The following PDE2A variants were observed in gnomAD, a reference collection of about 807,000 sequenced individuals.
PDE2A encodes phosphodiesterase 2A, also known as cGMP-dependent 3',5'-cyclic phosphodiesterase.
In PDE2A, 53 loss-of-function variants were observed where a neutral mutation model predicts 133.6. The ratio of observed to expected loss-of-function variants is 0.40; its 90% CI spans 0.32 to 0.50. The LOEUF is 0.50. Ranked by LOEUF, PDE2A falls within the 20% of genes least tolerant of loss-of-function variation. The pLI, the probability that PDE2A is intolerant of heterozygous loss-of-function variation, is 0.73. For missense variants in PDE2A, 796 were observed against 1,232.4 expected (o/e 0.65, Z 5.30); for synonymous variants, 491 against 490.2 (o/e 1.00, Z -0.02).
chr11:72,611,648 C>T (rs1176950124), intron 2 of PDE2A, among the ~76,000 whole-genome samples: 1 of 152,164 alleles, frequency 6.6e-6, no homozygotes, highest in Non-Finnish European at 1.5e-5. Flanking sequence ...TGTGCTAGAG[C>T]GGACTGGATG....
Position 72,648,868 on chromosome 11 carries a change from C to G in PDE2A, c.72-6542G>C, listed in dbSNP as rs549982686. On this transcript the variant is annotated intron_variant, in intron 1 of 30. Coordinates refer to ENST00000334456, the MANE Select transcript of PDE2A (RefSeq NM_002599.5). ...CCATGTTCCTATCACGCCTACACCC[C>G]AGTCCTCTACACAGACACACATCCT... 2.6e-4 allele frequency among the ~76,000 whole-genome samples: 40 copies of G among 152,296 alleles called. 1 individual carries two copies. Among genetic ancestry groups the G allele is most frequent in the African/African-American group, 8.9e-4 (37 of 41,566 alleles).
At chr11:72,657,826 G>A (rs1279299825) in intron 1 of PDE2A, 1 of 455,056 alleles carries the variant, frequency 2.2e-6, no homozygotes, top group African/African-American at 2.0e-5. Flanking sequence ...GCACAGACCT[G>A]CCCCCATCTG....
At chr11:72,671,631 G>T (rs950943030) in intron 1 of PDE2A, among the ~76,000 whole-genome samples, 1 of 152,160 alleles carries the variant, frequency 6.6e-6, no homozygotes, top group Non-Finnish European at 1.5e-5. Context: ...GGGGGTGGGG[G>T]TGCAGGGAGC....
At chr11:72,670,826 A>G (rs896138657) in intron 1 of PDE2A, among the ~76,000 whole-genome samples, 5 of 152,184 alleles carry the variant, frequency 3.3e-5, no homozygotes, top group Non-Finnish European at 5.9e-5. Context: ...GACCCAGGAC[A>G]GATATAACCA....
At chr11:72,613,549 G>C (rs555231630) in intron 2 of PDE2A, among the ~76,000 whole-genome samples, 1 of 151,790 alleles carries the variant, frequency 6.6e-6, no homozygotes, top group South Asian at 2.1e-4. Context: ...CTGCACTCCT[G>C]TTCCTCTCCA....
At chr11:72,642,360 T>C in intron 1 of PDE2A, 34 bp from the exon 2 acceptor site, 1 of 1,497,420 alleles carries the variant, frequency 6.7e-7, no homozygotes, top group East Asian at 2.8e-5. Flanking sequence ...GAGGATGTGG[T>C]GCAGCACCAG....
At chr11:72,582,600 C>T (rs764552308) in intron 20 of PDE2A, 34 bp from the exon 21 acceptor site, 2 of 1,585,060 alleles carry the variant, frequency 1.3e-6, no homozygotes, top group Non-Finnish European at 8.6e-7. Flanking sequence ...TAGAAGACAG[C>T]CTTCACCCCA....
chr11:72,585,058 T>A, intron 16 of PDE2A, 114 bp from the exon 17 acceptor site: 1 of 992,372 alleles, frequency 1.0e-6, no homozygotes, highest in Non-Finnish European at 1.6e-6. Flanking sequence ...TGCTCCAAGG[T>A]AAGACACTCT....
intron 2 of PDE2A, among the ~76,000 whole-genome samples, chr11:72,633,019 C>T (rs1440728168): frequency 6.6e-6 from 1 of 152,186 alleles, no homozygotes; most frequent in Non-Finnish European, 1.5e-5. Context: ...TACATAGGCC[C>T]CCCAGGCCAG....
At chr11:72,657,194 C>T (rs1854923395) in intron 1 of PDE2A, among the ~76,000 whole-genome samples, 1 of 152,262 alleles carries the variant, frequency 6.6e-6, no homozygotes, top group South Asian at 2.1e-4. Context: ...TTCCCTGAGG[C>T]CTAGACCAGA....
intron 1 of PDE2A, among the ~76,000 whole-genome samples, chr11:72,663,726 C>CA (rs35814877): frequency 4.8e-3 from 531 of 111,692 alleles, no homozygotes; most frequent in East Asian, 0.017. Context: ...AAGACTGTCT[C>CA]AAAAAAAAAA....
intron 6 of PDE2A, among the ~76,000 whole-genome samples, chr11:72,593,804 C>T (rs927700352): frequency 1.3e-5 from 2 of 152,262 alleles, no homozygotes; most frequent in African/African-American, 2.4e-5. Flanking sequence ...AGAGAGCCCT[C>T]GCTGATGGCG....
chr11:72,630,882 G>A (rs1193085989), intron 2 of PDE2A, among the ~76,000 whole-genome samples: 2 of 151,894 alleles, frequency 1.3e-5, no homozygotes, highest in African/African-American at 4.8e-5. Flanking sequence ...CCTCATGGGA[G>A]GACTTCCAGG....
intron 16 of PDE2A, 200 bp from the exon 17 acceptor site, chr11:72,585,144 T>C: frequency 1.6e-6 from 1 of 638,508 alleles, no homozygotes; most frequent in South Asian, 1.9e-5. Context: ...GCACCTACTA[T>C]GTGCCAGGCA....
intron 2 of PDE2A, among the ~76,000 whole-genome samples, chr11:72,627,766 T>C (rs1273616512): frequency 6.6e-6 from 1 of 152,188 alleles, no homozygotes; most frequent in African/African-American, 2.4e-5. Context: ...CATGCCCCCA[T>C]CCCAGCTAAG....
intron 1 of PDE2A, among the ~76,000 whole-genome samples, chr11:72,653,675 G>A (rs1218350997): frequency 1.3e-5 from 2 of 152,212 alleles, no homozygotes; most frequent in Admixed American, 1.3e-4. Flanking sequence ...GGGGCAAAAC[G>A]GCAGCAATAC....
intron 2 of PDE2A, among the ~76,000 whole-genome samples, chr11:72,642,025 C>T (rs1297214490): frequency 2.0e-5 from 3 of 152,236 alleles, no homozygotes; most frequent in Non-Finnish European, 2.9e-5. Context: ...AAGCTCAGTG[C>T]TTGGGGTGGA....
intron 2 of PDE2A, among the ~76,000 whole-genome samples, chr11:72,637,523 C>A (rs186076362): frequency 3.9e-5 from 6 of 152,352 alleles, no homozygotes; most frequent in Admixed American, 3.3e-4. Flanking sequence ...GTAAGAATCC[C>A]TGGGCTGAGT....
intron 2 of PDE2A, among the ~76,000 whole-genome samples, chr11:72,639,726 C>T (rs1182166544): frequency 1.3e-5 from 2 of 152,110 alleles, no homozygotes; most frequent in South Asian, 2.1e-4. Context: ...CCTGCTCCGC[C>T]GGAAACCCAA....
Sources: gnomAD v4.1 joint callset for allele counts (sites outside exome capture counted in the v4.1 genomes callset) on GRCh38, gnomAD v4.1.1 for gene constraint, MANE v1.5 for transcripts, NCBI Gene and HGNC (gene_info 2026-07-23, HGNC 2026-07-21) for gene names.